The following TMEM192 variants were observed in gnomAD, a reference collection of about 807,000 sequenced individuals.
TMEM192 encodes the protein transmembrane protein 192.
In TMEM192, 20 loss-of-function variants were observed where a neutral mutation model predicts 26.7. The observed-to-expected ratio is 0.75, with a 90% CI of 0.53 to 1.09. The LOEUF is 1.09. TMEM192 is among the 50% of genes least tolerant of loss of function. The pLI is 0.00. For missense variants in TMEM192, 304 were observed against 322.6 expected (o/e 0.94, Z 0.44); for synonymous variants, 124 against 121.0 (o/e 1.02, Z -0.16).
Position 165,089,423 on chromosome 4 carries a change from G to A in TMEM192, c.440-821C>T, listed in dbSNP as rs529356341. On this transcript the variant is annotated intron_variant, in intron 3 of 5. Coordinates refer to ENST00000306480, the MANE Select transcript of TMEM192 (RefSeq NM_001100389.2). ...GCAAGCTCCACCTCCCAGGTTTCAC[G>A]CCATTCTCCTGCCTCAGCCTCCCGA... 4.6e-5 allele frequency among the ~76,000 whole-genome samples: 7 copies of A among 152,202 alleles called. No homozygotes were observed. The East Asian group carries it at 1.2e-3, about 25-fold the overall frequency.
intron 5 of TMEM192, among the ~76,000 whole-genome samples, chr4:165,080,810 G>T (rs552138274): frequency 6.6e-6 from 1 of 152,188 alleles, no homozygotes; most frequent in Non-Finnish European, 1.5e-5. Context: ...CACCTCCTGG[G>T]TTTAAGCGAT....
chr4:165,084,740 C>T (rs984041173), intron 5 of TMEM192, among the ~76,000 whole-genome samples: 1 of 150,162 alleles, frequency 6.7e-6, no homozygotes, highest in African/African-American at 2.4e-5. Flanking sequence ...GAAACCTTGT[C>T]GCTACTAAAA....
intron 1 of TMEM192, among the ~76,000 whole-genome samples, chr4:165,107,468 C>T (rs897364508): frequency 6.6e-6 from 1 of 152,052 alleles, no homozygotes; most frequent in African/African-American, 2.4e-5. Context: ...CTCAGTCTCA[C>T]GAGTAGCTGG....
At chr4:165,104,393 G>A (rs1437834849) in intron 1 of TMEM192, among the ~76,000 whole-genome samples, 1 of 152,220 alleles carries the variant, frequency 6.6e-6, no homozygotes, top group African/African-American at 2.4e-5. Flanking sequence ...TAGGACAAAT[G>A]ATGTAAGAGA....
At chr4:165,107,876 A>T (rs560883479) in intron 1 of TMEM192, among the ~76,000 whole-genome samples, 4 of 152,290 alleles carry the variant, frequency 2.6e-5, no homozygotes, top group Admixed American at 2.6e-4. Flanking sequence ...TACAAGTTTG[A>T]GCTGGGTCTA....
In TMEM192 at chr4:165,074,392, T is replaced by TCTTC. The variant is rs1734329742; in HGVS notation, c.*5262_*5265dup. The TCTTC allele has an allele frequency of 6.6e-6, 1 of 152,218 alleles. No individual in the cohort carries two copies. The highest frequency in any genetic ancestry group is 6.6e-5 in the Admixed American group (1 of 15,264). 9.4% of individuals were successfully genotyped at this position (152,218 alleles called of 1,614,324 possible). ...GATTGTCACATATTCAAAGTTTGATTCTTCAAGAACTCAAGAGTTTACCAG... is the reference window on the plus strand; with the variant it reads ...GATTGTCACATATTCAAAGTTTGATTCTTCCTTCAAGAACTCAAGAGTTTACCAG... On this transcript the variant is annotated 3_prime_UTR_variant, in exon 6 of 6. Coordinates refer to ENST00000306480, the MANE Select transcript of TMEM192 (RefSeq NM_001100389.2).
At position 165,074,112 on chromosome 4, in the gene TMEM192, G is replaced by GA. The variant is rs747028118; in HGVS notation, c.*5545dup. On this transcript the variant is annotated 3_prime_UTR_variant, in exon 6 of 6. Transcript: ENST00000306480. ...AAATACCCACAGGTGTGGAGGGGCA[G>GA]ACCCCCCCTCAATCAACTGAGCCAA... 1 of 41,572 alleles carries GA rather than the reference G, an allele frequency of 2.4e-5. No individual in the cohort carries two copies. The highest frequency in any genetic ancestry group is 3.0e-4 in the Admixed American group (1 of 3,332). The allele number at this position is 41,572 out of a possible 1,614,324, so 2.6% of individuals were successfully genotyped here. A position where few individuals can be genotyped will look rare whatever the true frequency, so the allele number is the denominator to read the frequency against.
chr4:165,084,653 A>T (rs1212177729), intron 5 of TMEM192, among the ~76,000 whole-genome samples: 1 of 151,528 alleles, frequency 6.6e-6, no homozygotes. Flanking sequence ...TCATGCCTGT[A>T]ATCCCAGCAC....
At chr4:165,101,729 T>C (rs1222715753) in intron 2 of TMEM192, among the ~76,000 whole-genome samples, 1 of 152,110 alleles carries the variant, frequency 6.6e-6, no homozygotes, top group Non-Finnish European at 1.5e-5. Flanking sequence ...GGTGGAGCCA[T>C]ACCACAGCTA....
intron 3 of TMEM192, among the ~76,000 whole-genome samples, chr4:165,092,613 G>C (rs1043379352): frequency 2.0e-5 from 3 of 152,090 alleles, no homozygotes; most frequent in South Asian, 2.1e-4. Context: ...AGAAGTTTAG[G>C]GGCAGACTCT....
chr4:165,095,157 C>T (rs1372208791), intron 3 of TMEM192, among the ~76,000 whole-genome samples: 1 of 152,096 alleles, frequency 6.6e-6, no homozygotes, highest in Non-Finnish European at 1.5e-5. Context: ...CAGACCTGGA[C>T]TCCTACACTA....
intron 1 of TMEM192, among the ~76,000 whole-genome samples, chr4:165,103,421 T>C (rs928048448): frequency 2.0e-5 from 3 of 151,304 alleles, no homozygotes; most frequent in African/African-American, 4.9e-5. Flanking sequence ...CTTGGCTCAC[T>C]GCAACCTCTG....
chr4:165,089,875 G>T (rs1734713658), intron 3 of TMEM192, among the ~76,000 whole-genome samples: 1 of 151,990 alleles, frequency 6.6e-6, no homozygotes, highest in Non-Finnish European at 1.5e-5. Context: ...GGTATATTTG[G>T]TTTTTGTATA....
chr4:165,103,531 T>TTTTTG (rs1735094838), intron 1 of TMEM192, among the ~76,000 whole-genome samples: 7 of 131,296 alleles, frequency 5.3e-5, no homozygotes, highest in Non-Finnish European at 9.6e-5. Flanking sequence ...TTTTTTTTTT[T>TTTTTG]GAGATAGAGT....
chr4:165,105,210 C>T (rs1735137677), intron 1 of TMEM192, among the ~76,000 whole-genome samples: 1 of 152,182 alleles, frequency 6.6e-6, no homozygotes, highest in Non-Finnish European at 1.5e-5. Context: ...CAGCACTCAA[C>T]ACTATCTCAT....
At chr4:165,103,511 A>ATTTT (rs70952701) in intron 1 of TMEM192, among the ~76,000 whole-genome samples, 59,543 of 94,952 alleles carry the variant, frequency 0.63, 20,834 homozygotes, top group Non-Finnish European at 0.73. Flanking sequence ...CACCCAGCTA[A>ATTTT]TTTTTTTTTT....
At chr4:165,100,474 C>T (rs1170970354) in intron 3 of TMEM192, among the ~76,000 whole-genome samples, 154 bp downstream of exon 3, 1 of 152,140 alleles carries the variant, frequency 6.6e-6, no homozygotes, top group South Asian at 2.1e-4. Flanking sequence ...AGCTTTAAGA[C>T]ATTAAGGTGA....
intron 1 of TMEM192, among the ~76,000 whole-genome samples, chr4:165,104,238 A>T (rs10028037): frequency 0.025 from 3,762 of 152,294 alleles, 165 homozygotes; most frequent in African/African-American, 0.085. Context: ...TGGGAAGCAC[A>T]TAACAAATCA....
chr4:165,085,741 C>A, intron 4 of TMEM192, 53 bp from the exon 5 acceptor site: 1 of 1,342,314 alleles, frequency 7.4e-7, no homozygotes, highest in South Asian at 1.3e-5. Flanking sequence ...AGTCTAGTTT[C>A]ATTTTTTCAA....
Sources: gnomAD v4.1 joint callset for allele counts (sites outside exome capture counted in the v4.1 genomes callset) on GRCh38, gnomAD v4.1.1 for gene constraint, MANE v1.5 for transcripts, NCBI Gene and HGNC (gene_info 2026-07-23, HGNC 2026-07-21) for gene names.